PPL: variants seen among roughly 807,000 people sequenced by gnomAD.
PPL encodes 190 kDa paraneoplastic pemphigus antigen.
PPL carries 198 observed loss-of-function variants against 194.4 expected under a neutral mutation model. That is an observed-to-expected ratio of 1.02 (90% CI 0.91 to 1.15). PPL has a LOEUF of 1.15. PPL is among the 50% of genes most tolerant of loss of function. The pLI is 0.00. For missense variants in PPL, 2,885 were observed against 2,294.8 expected (o/e 1.26, Z -5.25); for synonymous variants, 1,220 against 972.4 (o/e 1.25, Z -4.74).
At chr16:4,912,933 A>G (rs1035246846) in intron 1 of PPL, among the ~76,000 whole-genome samples, 2 of 152,038 alleles carry the variant, frequency 1.3e-5, no homozygotes, top group South Asian at 2.1e-4. Flanking sequence ...GTGAAACCCC[A>G]TCTCTACTAA....
intron 18 of PPL, among the ~76,000 whole-genome samples, 177 bp from the exon 19 acceptor site, chr16:4,889,238 G>GGT (rs2088272121): frequency 4.6e-5 from 1 of 21,788 alleles, no homozygotes; most frequent in South Asian, 4.8e-3. Context: ...TTTTGTTGTT[G>GGT]TTGTTTTTTT....
Position 4,883,435 on chromosome 16 carries a change from G to A in PPL, c.5220C>T (p.Asn1740=). The change falls in exon 22 of 22, where the codon AAC becomes AAT. Residue 1740 remains asparagine (N), a synonymous_variant. Transcript: ENST00000345988. This position sits in a 1 kb window ranked among gnomAD's most constrained non-coding sequence, Gnocchi z 4.8. ...LTPAQYDRYV[N]KDMSIQELAV... ...CCAGCTCCTGGATGGACATATCCTT[G>A]TTGACATAGCGGTCATACTGAGCAG... 1 of 1,614,208 alleles carries A rather than the reference G, an allele frequency of 6.2e-7. No individual in the cohort carries two copies. Among genetic ancestry groups the A allele is most frequent in the Non-Finnish European group, 8.5e-7 (1 of 1,180,034 alleles).
Position 4,884,219 on chromosome 16 carries a change from T to TC in PPL, c.4435dup (p.Glu1479GlyfsTer73). The TC allele has an allele frequency of 2.5e-6, 4 of 1,613,508 alleles. No homozygotes were observed. Among genetic ancestry groups the TC allele is most frequent in the Non-Finnish European group, 1.7e-6 (2 of 1,179,898 alleles). ...CAGTTTCCTCCGGAGGGTCTCGAGC[T>TC]CCCCCTCCAGGAGCTGCCGCCGGTG... is the stretch of plus-strand genomic sequence containing the variant. On this transcript the variant is annotated frameshift_variant, in exon 22 of 22. Transcript: ENST00000345988. LOFTEE classifies it high-confidence loss of function. The surrounding 1 kb of genome is among the most constrained non-coding windows in gnomAD (Gnocchi z 5.7).
In PPL at chr16:4,919,389, G is replaced by C. The variant is rs192050305; in HGVS notation, c.63-8440C>G. Among the ~76,000 whole-genome samples the C allele has an allele frequency of 2.6e-3, 402 of 152,334 alleles. 7 individuals carry two copies. The highest frequency in any genetic ancestry group is 0.02 in the Admixed American group (310 of 15,308). On this transcript the variant is annotated intron_variant, in intron 1 of 21. Transcript: ENST00000345988. ...AATGTGACCCTGTGACAGTGTGACA[G>C]AGGAGCTACACTGTATTTCTTTTTT...
chr16:4,894,691 C>A (rs1303215276), intron 11 of PPL, 73 bp from the exon 12 acceptor site: 3 of 1,549,656 alleles, frequency 1.9e-6, no homozygotes, highest in Non-Finnish European at 1.7e-6. Flanking sequence ...GCCATCTCAG[C>A]CCCCGACTCT....
intron 1 of PPL, 128 bp from the exon 2 acceptor site, chr16:4,911,077 GA>G: frequency 1.5e-6 from 1 of 683,172 alleles, no homozygotes; most frequent in Non-Finnish European, 2.5e-6. Flanking sequence ...CAGAGCCTTT[GA>G]GGTAGTTGGG....
At chr16:4,914,627 C>T (rs1596573695) in intron 1 of PPL, among the ~76,000 whole-genome samples, 1 of 152,228 alleles carries the variant, frequency 6.6e-6, no homozygotes, top group Non-Finnish European at 1.5e-5. Flanking sequence ...AGGAACCCAA[C>T]TCTTACAAGT....
At chr16:4,903,407 G>A (rs565617471) in intron 3 of PPL, among the ~76,000 whole-genome samples, 31 of 152,258 alleles carry the variant, frequency 2.0e-4, no homozygotes, top group African/African-American at 7.5e-4. Flanking sequence ...GGGTCATCAA[G>A]AGGATCATGT....
At chr16:4,888,256 A>G in intron 19 of PPL, 38 bp from the exon 20 acceptor site, 2 of 1,425,004 alleles carry the variant, frequency 1.4e-6, no homozygotes, top group Non-Finnish European at 2.0e-6. Flanking sequence ...GGAGATTAAA[A>G]CAGCTGAGAA....
intron 10 of PPL, 44 bp from the exon 11 acceptor site, chr16:4,895,451 T>TCC (rs752825019): frequency 1.2e-6 from 2 of 1,606,850 alleles, no homozygotes. Flanking sequence ...CCAACAGCCT[T>TCC]CCCCCTGGTG....
At chr16:4,933,869 C>T (rs1490979431) in intron 1 of PPL, among the ~76,000 whole-genome samples, 2 of 152,228 alleles carry the variant, frequency 1.3e-5, no homozygotes, top group Non-Finnish European at 2.9e-5. Flanking sequence ...CTGGGTACAC[C>T]ACAGCTAGCT....
intron 1 of PPL, among the ~76,000 whole-genome samples, chr16:4,914,967 A>T (rs115198819): frequency 2.0e-5 from 3 of 152,154 alleles, no homozygotes; most frequent in African/African-American, 7.2e-5. Context: ...AGCTGCACCT[A>T]GAGGCGGTGA....
chr16:4,937,063 G>T lies in PPL; in HGVS notation c.-18C>A. The T allele has an allele frequency of 7.2e-7, 1 of 1,385,878 alleles. No homozygotes were observed. The highest frequency in any genetic ancestry group is 2.9e-5 in the East Asian group (1 of 34,580). 85.8% of individuals were successfully genotyped at this position (1,385,878 alleles called of 1,614,324 possible). ...GAGTTCATGGTGGCGCTCGGGGTGC[G>T]GGCGGCGGCGGCTGGCGGGCCGGGC... On this transcript the variant is annotated 5_prime_UTR_variant, in exon 1 of 22. Coordinates refer to ENST00000345988, the MANE Select transcript of PPL (RefSeq NM_002705.5).
chr16:4,922,387 C>T (rs1316728086), intron 1 of PPL, among the ~76,000 whole-genome samples: 4 of 152,094 alleles, frequency 2.6e-5, no homozygotes, highest in Non-Finnish European at 5.9e-5. Flanking sequence ...GCCAGCTGGG[C>T]GTGGTGGCTC....
At chr16:4,886,190 GTTA>G in intron 21 of PPL, 143 bp from the exon 22 acceptor site, 4 of 1,047,084 alleles carry the variant, frequency 3.8e-6, no homozygotes, top group South Asian at 3.1e-5. Context: ...GAGTTCTAGG[GTTA>G]CTTTCAAAAA....
chr16:4,928,204 G>A (rs1366458085), intron 1 of PPL, among the ~76,000 whole-genome samples: 1 of 152,232 alleles, frequency 6.6e-6, no homozygotes, highest in African/African-American at 2.4e-5. Context: ...GTGCATTGCT[G>A]CACTTCACTC....
In PPL at chr16:4,903,844, C is replaced by G. The variant is rs377443490; in HGVS notation, c.317+42G>C. ...CAGGACCCCCCGCCCTGGCCCATAG[C>G]CCCCAATGGCTCCCCTGGGGTAAGA... is the stretch of plus-strand genomic sequence containing the variant. On this transcript the variant is annotated intron_variant, in intron 3 of 21. Transcript: ENST00000345988. 8.0e-5 allele frequency: 129 copies of G among 1,607,830 alleles called. 1 individual carries two copies. The South Asian group carries it at 1.3e-3, about 16-fold the overall frequency.
At chr16:4,910,777 C>G in intron 2 of PPL, 73 bp downstream of exon 2, 1 of 1,328,848 alleles carries the variant, frequency 7.5e-7, no homozygotes, top group Non-Finnish European at 1.1e-6. Context: ...TCACCGATTC[C>G]AAACAGATCC....
intron 1 of PPL, among the ~76,000 whole-genome samples, chr16:4,916,187 AC>A (rs1479826616): frequency 6.6e-6 from 1 of 152,114 alleles, no homozygotes; most frequent in East Asian, 1.9e-4. Flanking sequence ...CAGCAAGTCC[AC>A]CCCTACGTAT....
Sources: allele counts gnomAD v4.1 joint callset (sites outside exome capture counted in the v4.1 genomes callset), GRCh38; gene constraint gnomAD v4.1.1; non-coding constraint Gnocchi (gnomAD v3.1); transcripts MANE v1.5; gene names NCBI Gene and HGNC (gene_info 2026-07-23, HGNC 2026-07-21).